Variants in ARPP21 observed in about 807,000 individuals in gnomAD.
ARPP21 encodes cAMP-regulated phosphoprotein 21.
In ARPP21, 69 loss-of-function variants were observed where a neutral mutation model predicts 113.2. The observed-to-expected ratio is 0.61, with a 90% confidence interval of 0.50 to 0.74. The LOEUF (loss-of-function observed/expected upper bound fraction) is 0.74, where lower values mean the gene tolerates loss of function less well. Ranked by LOEUF, ARPP21 falls within the 30% of genes least tolerant of loss-of-function variation. ARPP21 has a pLI of 0.00. For synonymous variants in ARPP21, 368 were observed against 375.5 expected, an observed-to-expected ratio of 0.98 and a Z score of 0.23; for missense variants, 1,070 against 1,037.4, an observed-to-expected ratio of 1.03 and a Z score of -0.43.
At position 35,639,866 on chromosome 3, in the gene ARPP21, G is replaced by A. The variant is rs1697525980; in HGVS notation, c.-745G>A. ...GGGATTCGGACGGACGGACAGACCA[G>A]CGCACAGACTGGCAGCCTGCGAGAG... On this transcript the variant is annotated 5_prime_UTR_variant, in exon 1 of 21. Coordinates refer to ENST00000684406, the MANE Select transcript of ARPP21 (RefSeq NM_001385562.1). This position sits in a 1 kb window ranked among gnomAD's most constrained non-coding sequence, Gnocchi z 5.0. The A allele has an allele frequency of 6.6e-6, 1 of 152,566 alleles. No individual in the cohort carries two copies. Among genetic ancestry groups the A allele is most frequent in the African/African-American group, 2.4e-5 (1 of 41,462 alleles). The allele number at this position is 152,566 out of a possible 1,614,324, so 9.5% of individuals were successfully genotyped here.
At chr3:35,773,262 C>CT (rs1268743330) in intron 19 of ARPP21, among the ~76,000 whole-genome samples, 1 of 152,058 alleles carries the variant, frequency 6.6e-6, no homozygotes, top group Admixed American at 6.6e-5. Flanking sequence ...AGACAGTTTG[C>CT]TTAAGGGTAT....
intron 5 of ARPP21, chr3:35,685,739 A>C (rs2080358298): frequency 1.0e-6 from 1 of 977,092 alleles, no homozygotes; most frequent in South Asian, 4.7e-5. Flanking sequence ...TATACTATTT[A>C]CCTGTCAGTG....
intron 6 of ARPP21, among the ~76,000 whole-genome samples, chr3:35,688,448 G>T (rs2081251509): frequency 6.6e-6 from 1 of 151,542 alleles, no homozygotes; most frequent in African/African-American, 2.4e-5. Flanking sequence ...AAATCACTGT[G>T]CAAAAAGTCA....
chr3:35,785,392 G>C (rs920226684), intron 19 of ARPP21, among the ~76,000 whole-genome samples: 1 of 152,152 alleles, frequency 6.6e-6, no homozygotes, highest in Admixed American at 6.6e-5. Flanking sequence ...TAATATGACA[G>C]CCTCTTCCAT....
At chr3:35,682,919 G>A (rs747669522) in intron 4 of ARPP21, 30 bp downstream of exon 4, 41 of 1,553,516 alleles carry the variant, frequency 2.6e-5, no homozygotes, top group Non-Finnish European at 3.6e-5. Flanking sequence ...AGGTAGACCT[G>A]ATATCATGGG....
chr3:35,762,102 T>C (rs1317965886), intron 19 of ARPP21, among the ~76,000 whole-genome samples: 1 of 140,654 alleles, frequency 7.1e-6, no homozygotes, highest in Non-Finnish European at 1.6e-5. Flanking sequence ...CTCTCCTCTC[T>C]CTCTCTCTCT....
At chr3:35,738,158 T>G in intron 16 of ARPP21, 56 bp from the exon 17 acceptor site, 179 of 1,129,110 alleles carry the variant, frequency 1.6e-4, no homozygotes, top group Non-Finnish European at 2.1e-4. Context: ...GTGCATCTTG[T>G]GAGATTTCAA....
At chr3:35,749,817 T>G (rs2095334523) in intron 19 of ARPP21, among the ~76,000 whole-genome samples, 1 of 152,152 alleles carries the variant, frequency 6.6e-6, no homozygotes, top group Admixed American at 6.5e-5. Context: ...CTTCGCCCAT[T>G]TCTTCCAAGT....
chr3:35,648,374 T>C (rs1360355041), intron 1 of ARPP21, among the ~76,000 whole-genome samples: 1 of 152,184 alleles, frequency 6.6e-6, no homozygotes, highest in African/African-American at 2.4e-5. Flanking sequence ...AATGAATCCA[T>C]GAAGGAAAAA....
Position 35,792,470 on chromosome 3 carries a change from C to T in ARPP21, c.2226C>T (p.Asn742=), listed in dbSNP as rs1246213974. The T allele has an allele frequency of 4.3e-6, 7 of 1,614,008 alleles. No homozygotes were observed. Among genetic ancestry groups the T allele is most frequent in the Admixed American group, 3.3e-5 (2 of 60,010 alleles). The change falls in exon 20 of 21, where the codon AAC becomes AAT. Residue 742 remains asparagine, a synonymous_variant. Coordinates refer to ENST00000684406, the MANE Select transcript of ARPP21 (RefSeq NM_001385562.1). ...QPPQSQNVIN[N]QQGTPVQSVM... ...CTCAGAGTCAGAACGTGATAAATAA[C>T]CAACAAGGAACTCCGGTGCAAAGCG...
At chr3:35,647,438 T>A (rs1419807185) in intron 1 of ARPP21, among the ~76,000 whole-genome samples, 1 of 152,108 alleles carries the variant, frequency 6.6e-6, no homozygotes, top group South Asian at 2.1e-4. Flanking sequence ...AGAGGTTGTA[T>A]ACCAAAGGTA....
chr3:35,768,241 C>T (rs1210867342), intron 19 of ARPP21, among the ~76,000 whole-genome samples: 2 of 151,836 alleles, frequency 1.3e-5, no homozygotes, highest in African/African-American at 2.4e-5. Flanking sequence ...TTCCCATTTC[C>T]TCTTTTCCCC....
intron 19 of ARPP21, among the ~76,000 whole-genome samples, chr3:35,748,464 AAGAG>A (rs374023276): frequency 2.6e-4 from 39 of 149,132 alleles, no homozygotes; most frequent in Middle Eastern, 6.8e-3. Context: ...AAGAAAAAGA[AAGAG>A]AGAGAGGGAG....
chr3:35,748,486 GGGAA>G lies in ARPP21; in HGVS notation c.2137+4531_2137+4534del, dbSNP rs1027095882. Among the ~76,000 whole-genome samples the G allele has an allele frequency of 2.7e-5, 4 of 145,632 alleles. No homozygotes were observed. The East Asian group carries it at 6.2e-4, about 23-fold the overall frequency. ...AGAAAGAGAGAGAGGGAGAGAGGGA[GGGAA>G]GGAAGGAAGAAAGGAAGGAAGGAAA... On this transcript the variant is annotated intron_variant, in intron 19 of 20. Coordinates refer to ENST00000684406, the MANE Select transcript of ARPP21 (RefSeq NM_001385562.1).
intron 1 of ARPP21, among the ~76,000 whole-genome samples, chr3:35,653,321 C>A (rs1703280936): frequency 6.6e-6 from 1 of 151,778 alleles, no homozygotes; most frequent in African/African-American, 2.4e-5. Context: ...TATGAATTAC[C>A]CTGTAATATG....
At chr3:35,738,647 T>G (rs752176563) in intron 17 of ARPP21, among the ~76,000 whole-genome samples, 9 of 152,156 alleles carry the variant, frequency 5.9e-5, no homozygotes, top group Non-Finnish European at 1.2e-4. Flanking sequence ...GGGAAAGATC[T>G]CAAGGATGGT....
intron 14 of ARPP21, among the ~76,000 whole-genome samples, chr3:35,727,196 A>G (rs2093601173): frequency 6.6e-6 from 1 of 152,210 alleles, no homozygotes; most frequent in South Asian, 2.1e-4. Flanking sequence ...AAGATGCCCA[A>G]CTGAGAACAC....
chr3:35,650,564 C>T (rs951672666), intron 1 of ARPP21: 1 of 151,308 alleles, frequency 6.6e-6, no homozygotes, highest in Non-Finnish European at 1.5e-5. Flanking sequence ...TTAGGTAATC[C>T]CTAGAGCGTA....
rs1159204927 is a variant in ARPP21 at position 35,639,727 on chromosome 3, C to T, written c.-884C>T. 13 of 153,168 alleles carry T rather than the reference C, an allele frequency of 8.5e-5. No homozygotes were observed. Among genetic ancestry groups the T allele is most frequent in the Admixed American group, 7.9e-4 (12 of 15,286 alleles). The allele number at this position is 153,168 out of a possible 1,614,324, so 9.5% of individuals were successfully genotyped here. A position where few individuals can be genotyped will look rare whatever the true frequency, so the allele number is the denominator to read the frequency against. On this transcript the variant is annotated 5_prime_UTR_variant, in exon 1 of 21. Coordinates refer to ENST00000684406, the MANE Select transcript of ARPP21 (RefSeq NM_001385562.1). The surrounding 1 kb of genome is among the most constrained non-coding windows in gnomAD (Gnocchi z 5.0). Reference sequence around the variant, plus strand: ...AGATAGACAGCAACACTCGCGTGCTCCCTCCCTCCACACGCCCTCCTCTTA... The same window carrying T: ...AGATAGACAGCAACACTCGCGTGCTTCCTCCCTCCACACGCCCTCCTCTTA...
Sources: allele counts gnomAD v4.1 joint callset (sites outside exome capture counted in the v4.1 genomes callset), GRCh38; gene constraint gnomAD v4.1.1; non-coding constraint Gnocchi (gnomAD v3.1); transcripts MANE v1.5; gene names NCBI Gene and HGNC (gene_info 2026-07-23, HGNC 2026-07-21).